The following EXOC2 variants were observed in gnomAD, a reference collection of about 807,000 sequenced individuals.
The protein encoded by EXOC2 is SEC5-like 1.
EXOC2 carries 70 observed loss-of-function variants against 131.8 expected under a neutral mutation model. That is an observed-to-expected ratio of 0.53 (90% CI 0.44 to 0.65). The LOEUF (loss-of-function observed/expected upper bound fraction) is 0.65, where lower values mean the gene tolerates loss of function less well. Ranked by LOEUF, EXOC2 falls within the 30% of genes least tolerant of loss-of-function variation. The pLI is 0.00. For missense variants in EXOC2, 923 were observed against 1,108.6 expected (o/e 0.83, Z 2.38); for synonymous variants, 411 against 398.4 (o/e 1.03, Z -0.38).
chr6:663,050 AC>A (rs909408227), intron 1 of EXOC2, among the ~76,000 whole-genome samples: 2 of 152,120 alleles, frequency 1.3e-5, no homozygotes, highest in African/African-American at 4.8e-5. Context: ...GACCATGAGC[AC>A]GATTAACCAA....
chr6:558,983 T>C (rs974883387), intron 17 of EXOC2, among the ~76,000 whole-genome samples: 6 of 152,170 alleles, frequency 3.9e-5, no homozygotes, highest in Non-Finnish European at 8.8e-5. Flanking sequence ...GTGCTTTCAG[T>C]TGAACCGGGA....
chr6:541,881 A>C (rs1043878573), intron 22 of EXOC2, among the ~76,000 whole-genome samples: 1 of 152,214 alleles, frequency 6.6e-6, no homozygotes, highest in African/African-American at 2.4e-5. Context: ...AATAATTCCA[A>C]TCTTATGCAA....
intron 10 of EXOC2, among the ~76,000 whole-genome samples, chr6:595,763 A>G (rs2179513): frequency 0.79 from 119,282 of 151,916 alleles, 47,660 homozygotes; most frequent in Non-Finnish European, 0.85. Context: ...GCAGGGCAGG[A>G]AACAGCAGCC....
At chr6:529,751 T>C (rs1258708186) in intron 23 of EXOC2, among the ~76,000 whole-genome samples, 3 of 152,170 alleles carry the variant, frequency 2.0e-5, no homozygotes, top group South Asian at 4.1e-4. Flanking sequence ...TGTATTACTT[T>C]TTGCATGGTG....
chr6:497,663 T>C (rs57150471), intron 24 of EXOC2, among the ~76,000 whole-genome samples, 174 bp from the exon 25 acceptor site: 2,512 of 152,348 alleles, frequency 0.016, 82 homozygotes, highest in African/African-American at 0.056. Context: ...TAAATTCTAT[T>C]GACTGATTAA....
chr6:574,108 C>T (rs1235909088), intron 12 of EXOC2, among the ~76,000 whole-genome samples: 5 of 152,132 alleles, frequency 3.3e-5, no homozygotes, highest in African/African-American at 7.2e-5. Context: ...TTTGACGTAT[C>T]GTAATTTAAC....
intron 23 of EXOC2, among the ~76,000 whole-genome samples, chr6:501,119 CTATATATATTATATATATCTA>C (rs1764033004): frequency 1.4e-4 from 9 of 62,604 alleles, no homozygotes; most frequent in African/African-American, 3.0e-4. Flanking sequence ...TTATATATAT[CTATATATATTATATATATCTA>C]TATATATTAT....
chr6:638,531 A>G (rs1762205744), intron 1 of EXOC2, among the ~76,000 whole-genome samples: 2 of 152,202 alleles, frequency 1.3e-5, no homozygotes, highest in Non-Finnish European at 2.9e-5. Flanking sequence ...CTCTTCTTGT[A>G]TGTAAAGTGG....
chr6:502,041 G>C (rs535761270), intron 23 of EXOC2, among the ~76,000 whole-genome samples: 1 of 152,104 alleles, frequency 6.6e-6, no homozygotes, highest in Admixed American at 6.5e-5. Flanking sequence ...GCCTGGCCTC[G>C]CCGCTCATAC....
chr6:535,594 A>G (rs1281780233), intron 22 of EXOC2, among the ~76,000 whole-genome samples: 1 of 152,232 alleles, frequency 6.6e-6, no homozygotes, highest in African/African-American at 2.4e-5. Context: ...TAATCTGCTG[A>G]AAAACACAAC....
chr6:492,834 ACAGCT>A (rs1036461616), intron 25 of EXOC2, among the ~76,000 whole-genome samples: 21 of 152,222 alleles, frequency 1.4e-4, no homozygotes, highest in Admixed American at 7.2e-4. Context: ...TGATGACTGG[ACAGCT>A]CTTTGAATAT....
At chr6:575,137 T>C (rs147370899) in intron 12 of EXOC2, among the ~76,000 whole-genome samples, 12 of 152,354 alleles carry the variant, frequency 7.9e-5, no homozygotes, top group Admixed American at 3.9e-4. Flanking sequence ...CTTGCAATAA[T>C]GAGTGAGTTC....
chr6:554,960 T>C (rs1757341121), intron 20 of EXOC2, among the ~76,000 whole-genome samples: 1 of 152,248 alleles, frequency 6.6e-6, no homozygotes, highest in Non-Finnish European at 1.5e-5. Context: ...TTTAACACTT[T>C]ATTATTTATA....
At chr6:508,658 A>C (rs1298393175) in intron 23 of EXOC2, among the ~76,000 whole-genome samples, 1 of 152,216 alleles carries the variant, frequency 6.6e-6, no homozygotes, top group Non-Finnish European at 1.5e-5. Flanking sequence ...GATGGACCGT[A>C]ACACATTTAT....
chr6:589,833 G>A (rs1759433224), intron 11 of EXOC2, among the ~76,000 whole-genome samples: 1 of 152,176 alleles, frequency 6.6e-6, no homozygotes, highest in Non-Finnish European at 1.5e-5. Flanking sequence ...CAGTGGACGC[G>A]TGGTAGCTCA....
chr6:492,451 T>C (rs1452458388), intron 25 of EXOC2, among the ~76,000 whole-genome samples: 1 of 152,186 alleles, frequency 6.6e-6, no homozygotes. Flanking sequence ...AGAACTTGTA[T>C]AGGAGTGTTC....
chr6:681,691 A>T (rs762511534), intron 1 of EXOC2, among the ~76,000 whole-genome samples: 7 of 152,240 alleles, frequency 4.6e-5, no homozygotes, highest in Non-Finnish European at 7.3e-5. Flanking sequence ...ATATAAAACA[A>T]TTCTAACTTT....
chr6:546,511 C>T (rs1756862131), intron 22 of EXOC2, among the ~76,000 whole-genome samples: 1 of 152,186 alleles, frequency 6.6e-6, no homozygotes, highest in African/African-American at 2.4e-5. Context: ...GACCCTTGAA[C>T]ACCACGGGTC....
chr6:558,369 G>T (rs908985925), intron 17 of EXOC2, among the ~76,000 whole-genome samples: 1 of 152,156 alleles, frequency 6.6e-6, no homozygotes, highest in Admixed American at 6.6e-5. Flanking sequence ...TGCACAGAAA[G>T]CATTTAAAGA....
Sources: allele counts gnomAD v4.1 joint callset (sites outside exome capture counted in the v4.1 genomes callset), GRCh38; gene constraint gnomAD v4.1.1; transcripts MANE v1.5; gene names NCBI Gene and HGNC (gene_info 2026-07-23, HGNC 2026-07-21).